Variants in DOCK3 observed in about 807,000 individuals in gnomAD.
DOCK3 encodes dedicator of cytokinesis protein 3.
Under a neutral mutation model 265.6 loss-of-function variants are expected in DOCK3, and 60 were observed. That is an observed-to-expected ratio of 0.23 (90% CI 0.18 to 0.28). The LOEUF is 0.28. DOCK3 is among the 10% of genes least tolerant of loss of function. DOCK3 has a pLI of 1.00. For missense variants in DOCK3, 1,981 were observed against 2,594.3 expected (o/e 0.76, Z 5.14); for synonymous variants, 881 against 938.0 (o/e 0.94, Z 1.11).
chr3:50,713,138 T>G, intron 1 of DOCK3, among the ~76,000 whole-genome samples: 1 of 152,190 alleles, frequency 6.6e-6, no homozygotes, highest in East Asian at 1.9e-4. Flanking sequence ...GTGCCTCAAC[T>G]TTAAGTGTGT....
chr3:51,196,547 TAA>T (rs1447401977), intron 12 of DOCK3, among the ~76,000 whole-genome samples: 1 of 152,204 alleles, frequency 6.6e-6, no homozygotes, highest in African/African-American at 2.4e-5. Flanking sequence ...TTTTAATATT[TAA>T]TTGTCACAAA....
At chr3:51,229,346 G>A (rs1412108510) in intron 18 of DOCK3, among the ~76,000 whole-genome samples, 166 bp from the exon 19 acceptor site, 1 of 152,124 alleles carries the variant, frequency 6.6e-6, no homozygotes, top group Non-Finnish European at 1.5e-5. Context: ...AGCTACTCAG[G>A]AGGCTGAGGC....
intron 2 of DOCK3, among the ~76,000 whole-genome samples, chr3:50,829,938 C>T (rs778664931): frequency 6.6e-6 from 1 of 151,950 alleles, no homozygotes; most frequent in Non-Finnish European, 1.5e-5. Flanking sequence ...ATTTACAGCT[C>T]ACAAATGAAG....
At chr3:51,174,558 C>G (rs1468725453) in intron 12 of DOCK3, among the ~76,000 whole-genome samples, 1 of 152,158 alleles carries the variant, frequency 6.6e-6, no homozygotes, top group African/African-American at 2.4e-5. Context: ...TATCTGTTCT[C>G]TTGCATCTCA....
intron 5 of DOCK3, among the ~76,000 whole-genome samples, chr3:50,961,213 G>A (rs1431992162): frequency 6.6e-6 from 1 of 152,080 alleles, no homozygotes; most frequent in Non-Finnish European, 1.5e-5. Flanking sequence ...TTTCATGTAA[G>A]TTTTAGGATC....
chr3:51,373,949 G>A (rs2087884948), intron 49 of DOCK3, among the ~76,000 whole-genome samples: 1 of 152,166 alleles, frequency 6.6e-6, no homozygotes, highest in Non-Finnish European at 1.5e-5. Context: ...AAGTCGGTAG[G>A]GAGCCAGGTG....
chr3:51,247,770 C>T (rs535322239), intron 22 of DOCK3, among the ~76,000 whole-genome samples: 60 of 152,280 alleles, frequency 3.9e-4, no homozygotes, highest in African/African-American at 1.4e-3. Flanking sequence ...TGAATAAGAC[C>T]AGCCCATCTT....
intron 9 of DOCK3, among the ~76,000 whole-genome samples, chr3:51,116,376 G>A (rs934869371): frequency 1.3e-5 from 2 of 150,624 alleles, no homozygotes; most frequent in African/African-American, 4.9e-5. Flanking sequence ...GTGTGAACCC[G>A]GGAGGTGGAG....
intron 3 of DOCK3, among the ~76,000 whole-genome samples, chr3:50,851,090 C>T (rs1281840993): frequency 6.6e-6 from 1 of 152,226 alleles, no homozygotes; most frequent in Non-Finnish European, 1.5e-5. Context: ...CCACCAAGCA[C>T]TCAGAAGAGT....
chr3:51,123,491 G>A (rs1261491999), intron 9 of DOCK3, among the ~76,000 whole-genome samples: 1 of 152,166 alleles, frequency 6.6e-6, no homozygotes, highest in Non-Finnish European at 1.5e-5. Flanking sequence ...TGTAGTCATG[G>A]CTAAGACTTA....
intron 3 of DOCK3, among the ~76,000 whole-genome samples, chr3:50,854,593 T>TTTTTTTTTTTTTTTTTG (rs2046498127): frequency 1.7e-5 from 1 of 58,108 alleles, no homozygotes; most frequent in African/African-American, 6.2e-5. Flanking sequence ...ATCACACCAG[T>TTTTTTTTTTTTTTTTTG]TTTTTTTTTT....
At chr3:50,891,365 T>C (rs2048631454) in intron 4 of DOCK3, among the ~76,000 whole-genome samples, 1 of 152,124 alleles carries the variant, frequency 6.6e-6, no homozygotes, top group South Asian at 2.1e-4. Context: ...TAGAAGATTC[T>C]GATATGAATC....
At chr3:51,150,655 G>A (rs958275218) in intron 10 of DOCK3, among the ~76,000 whole-genome samples, 11 of 152,228 alleles carry the variant, frequency 7.2e-5, no homozygotes, top group African/African-American at 2.7e-4. Context: ...TTTTGAGTGA[G>A]CTTCTTAATC....
intron 32 of DOCK3, among the ~76,000 whole-genome samples, chr3:51,324,284 G>A (rs2083939753): frequency 6.6e-6 from 1 of 152,072 alleles, no homozygotes; most frequent in African/African-American, 2.4e-5. Flanking sequence ...ACCAATAACA[G>A]ACAAACAGCC....
chr3:50,868,732 T>C (rs1390025837), intron 3 of DOCK3, among the ~76,000 whole-genome samples: 1 of 152,014 alleles, frequency 6.6e-6, no homozygotes, highest in African/African-American at 2.4e-5. Context: ...GATTTCTTTA[T>C]TGTTTAATAT....
intron 33 of DOCK3, among the ~76,000 whole-genome samples, chr3:51,331,096 C>G (rs919630296): frequency 6.6e-6 from 1 of 152,154 alleles, no homozygotes; most frequent in East Asian, 1.9e-4. Context: ...ATTATCTTCC[C>G]TCCCACTTGA....
chr3:51,187,693 C>A, intron 12 of DOCK3, among the ~76,000 whole-genome samples: 1 of 149,820 alleles, frequency 6.7e-6, no homozygotes, highest in African/African-American at 2.5e-5. Flanking sequence ...GTGCTGTTCT[C>A]ATGAATGGGT....
chr3:50,841,661 A>C lies in DOCK3; in HGVS notation c.122-14A>C. The C allele has an allele frequency of 5.4e-6, 7 of 1,293,348 alleles. No homozygotes were observed. The highest frequency in any genetic ancestry group is 7.2e-6 in the Non-Finnish European group (7 of 976,916). 80.1% of individuals were successfully genotyped at this position (1,293,348 alleles called of 1,614,324 possible). ...GACATTGTGATTTTAATATTCTCTT[A>C]TGCTTTGTTTTAGGTTGGTACAGAG... is the stretch of plus-strand genomic sequence containing the variant. On this transcript the variant is annotated splice_polypyrimidine_tract_variant and intron_variant, in intron 2 of 52. Coordinates refer to ENST00000266037, the MANE Select transcript of DOCK3 (RefSeq NM_004947.5).
At position 50,892,185 on chromosome 3, in the gene DOCK3, A is replaced by G. The variant is rs2048673363; in HGVS notation, c.218+2104A>G. 1.3e-5 allele frequency among the ~76,000 whole-genome samples: 2 copies of G among 152,074 alleles called. 1 individual carries two copies. Among genetic ancestry groups the G allele is most frequent in the South Asian group, 4.1e-4 (2 of 4,828 alleles). On this transcript the variant is annotated intron_variant, in intron 4 of 52. Transcript: ENST00000266037. ...ATCTTTGAAGGAAGGGATGCACACAAGGAGAGCTTCATGTTTACTTTGGCC... is the reference window on the plus strand; with the variant it reads ...ATCTTTGAAGGAAGGGATGCACACAGGGAGAGCTTCATGTTTACTTTGGCC...
Sources: allele counts gnomAD v4.1 joint callset (sites outside exome capture counted in the v4.1 genomes callset), GRCh38; gene constraint gnomAD v4.1.1; transcripts MANE v1.5; gene names NCBI Gene and HGNC (gene_info 2026-07-23, HGNC 2026-07-21).